The following EFR3B variants were observed in gnomAD, a reference collection of about 807,000 sequenced individuals.
The protein encoded by EFR3B is EFR3 homolog B, also known as protein EFR3 homolog B.
A neutral mutation model predicts 104.7 loss-of-function variants in EFR3B; 64 were observed. The observed-to-expected ratio is 0.61, with a 90% CI of 0.50 to 0.75. EFR3B has a LOEUF of 0.75. Ranked by LOEUF, EFR3B falls within the 30% of genes least tolerant of loss-of-function variation. The pLI is 0.00. For missense variants in EFR3B, 750 were observed against 1,078.5 expected, an observed-to-expected ratio of 0.70 and a Z score of 4.27; for synonymous variants, 385 against 417.9, an observed-to-expected ratio of 0.92 and a Z score of 0.96.
chr2:25,058,821 TGGA>T (rs1331961841), intron 1 of EFR3B, among the ~76,000 whole-genome samples: 1 of 140,094 alleles, frequency 7.1e-6, no homozygotes, highest in Non-Finnish European at 1.5e-5. Context: ...GTGGAGAAAC[TGGA>T]ACCATCATTG....
At chr2:25,053,791 C>T (rs893434357) in intron 1 of EFR3B, among the ~76,000 whole-genome samples, 2 of 152,166 alleles carry the variant, frequency 1.3e-5, no homozygotes, top group Admixed American at 6.5e-5. Flanking sequence ...CCTGTAGTCC[C>T]AGCTACTCAG....
chr2:25,047,987 T>G (rs1667767459), intron 1 of EFR3B, among the ~76,000 whole-genome samples: 1 of 152,106 alleles, frequency 6.6e-6, no homozygotes, highest in South Asian at 2.1e-4. Flanking sequence ...CTCTAATATC[T>G]TTCTTTCCAT....
Position 25,131,621 on chromosome 2 carries a change from G to A in EFR3B, c.985+118G>A. The A allele has an allele frequency of 3.3e-6, 5 of 1,497,132 alleles. No homozygotes were observed. The highest frequency in any genetic ancestry group is 4.5e-6 in the Non-Finnish European group (5 of 1,117,228). 92.7% of individuals were successfully genotyped at this position (1,497,132 alleles called of 1,614,324 possible). A position where few individuals can be genotyped will look rare whatever the true frequency, so the allele number is the denominator to read the frequency against. The stretch of plus-strand genomic sequence containing the variant: ...AGTCCGTTTTCCTCGGGAGAAGTCC[G>A]CCAGGAAGTTGGGAGCGCAGAGGAA... On this transcript the variant is annotated intron_variant, in intron 9 of 22. Coordinates refer to ENST00000403714, the MANE Select transcript of EFR3B (RefSeq NM_014971.2). This position sits in a 1 kb window ranked among gnomAD's most constrained non-coding sequence, Gnocchi z 7.6.
intron 4 of EFR3B, among the ~76,000 whole-genome samples, chr2:25,105,339 C>G (rs1265346852): frequency 6.6e-6 from 1 of 151,972 alleles, no homozygotes; most frequent in African/African-American, 2.4e-5. Flanking sequence ...TTAGAAGAGA[C>G]GGGGTTTCAC....
intron 1 of EFR3B, among the ~76,000 whole-genome samples, chr2:25,065,593 T>A (rs1204372971): frequency 6.6e-6 from 1 of 152,194 alleles, no homozygotes; most frequent in East Asian, 1.9e-4. Context: ...CTATTTGAAA[T>A]TCCAGTGTCA....
chr2:25,135,664 G>A (rs997768720), intron 13 of EFR3B, 25 bp downstream of exon 13: 5 of 1,551,440 alleles, frequency 3.2e-6, no homozygotes, highest in African/African-American at 2.7e-5. Flanking sequence ...TCTCCTCCAG[G>A]CAATGCAAGA....
chr2:25,133,490 A>G, intron 12 of EFR3B, 56 bp downstream of exon 12: 6 of 1,529,744 alleles, frequency 3.9e-6, no homozygotes, highest in Non-Finnish European at 5.3e-6. Flanking sequence ...AGCTCCTTCC[A>G]AGGGACCAAG....
At chr2:25,112,580 G>C (rs868255105) in intron 4 of EFR3B, among the ~76,000 whole-genome samples, 1 of 152,194 alleles carries the variant, frequency 6.6e-6, no homozygotes, top group Non-Finnish European at 1.5e-5. Context: ...CTGCTCTAGG[G>C]AATTGCTATA....
chr2:25,070,761 G>T (rs980593925), intron 1 of EFR3B, among the ~76,000 whole-genome samples: 1 of 152,284 alleles, frequency 6.6e-6, no homozygotes, highest in Non-Finnish European at 1.5e-5. Context: ...GGGTGGCAGT[G>T]GGAAGAGATG....
At chr2:25,139,594 T>C (rs1266717228) in intron 16 of EFR3B, among the ~76,000 whole-genome samples, 1 of 151,630 alleles carries the variant, frequency 6.6e-6, no homozygotes, top group Non-Finnish European at 1.5e-5. Context: ...CCTCAGATCA[T>C]GCAGACTAAA....
At position 25,154,547 on chromosome 2, in the gene EFR3B, C is replaced by A; in HGVS notation, c.*207C>A. 3.5e-6 allele frequency: 2 copies of A among 563,940 alleles called. No individual in the cohort carries two copies. The highest frequency in any genetic ancestry group is 6.3e-6 in the Non-Finnish European group (2 of 318,382). 34.9% of individuals were successfully genotyped at this position (563,940 alleles called of 1,614,324 possible). ...TCGTCTTCCCTGAGGGAGGTCTCACCAATCAGCATCTCACCTGTGCCCTCT... is the reference window on the plus strand; with the variant it reads ...TCGTCTTCCCTGAGGGAGGTCTCACAAATCAGCATCTCACCTGTGCCCTCT... On this transcript the variant is annotated 3_prime_UTR_variant, in exon 23 of 23. Transcript: ENST00000403714. This position sits in a 1 kb window ranked among gnomAD's most constrained non-coding sequence, Gnocchi z 4.1.
chr2:25,134,265 C>T (rs1290106582), intron 12 of EFR3B, among the ~76,000 whole-genome samples: 1 of 151,394 alleles, frequency 6.6e-6, no homozygotes, highest in East Asian at 1.9e-4. Flanking sequence ...CTGCAACCTT[C>T]GCCTCCCAGG....
At chr2:25,152,073 T>C (rs1298594617) in intron 21 of EFR3B, 53 bp downstream of exon 21, 1 of 1,529,822 alleles carries the variant, frequency 6.5e-7, no homozygotes, top group Non-Finnish European at 8.9e-7. Flanking sequence ...AAGACTGAAT[T>C]TGGGTCCAGG....
intron 1 of EFR3B, among the ~76,000 whole-genome samples, chr2:25,074,651 T>G (rs957310782): frequency 6.6e-6 from 1 of 151,036 alleles, no homozygotes; most frequent in African/African-American, 2.4e-5. Flanking sequence ...AGAGTTTTGC[T>G]GTGTCACCCA....
chr2:25,103,892 G>C lies in EFR3B; in HGVS notation c.363+105G>C, dbSNP rs1490149587. 7.1e-6 allele frequency: 10 copies of C among 1,398,628 alleles called. No individual in the cohort carries two copies. The East Asian group carries it at 2.5e-4, about 35-fold the overall frequency. The allele number at this position is 1,398,628 out of a possible 1,614,324, so 86.6% of individuals were successfully genotyped here. On this transcript the variant is annotated intron_variant, in intron 4 of 22. Coordinates refer to ENST00000403714, the MANE Select transcript of EFR3B (RefSeq NM_014971.2). ...GCACTGTCATGTTCTGTTCCTTCTT[G>C]GTTCCCAACCCTAAGTGTGACACAC...
At chr2:25,043,582 C>T (rs554282027) in intron 1 of EFR3B, among the ~76,000 whole-genome samples, 1 of 152,260 alleles carries the variant, frequency 6.6e-6, no homozygotes, top group South Asian at 2.1e-4. Flanking sequence ...CAGGGTGAGA[C>T]ATCAGCAGGT....
At chr2:25,113,113 C>G (rs1669765548) in intron 4 of EFR3B, among the ~76,000 whole-genome samples, 1 of 152,114 alleles carries the variant, frequency 6.6e-6, no homozygotes, top group Admixed American at 6.6e-5. Flanking sequence ...AAAGCTGAAA[C>G]TTTGATCTTG....
At chr2:25,092,974 T>G in intron 2 of EFR3B, 29 bp from the exon 3 acceptor site, 1 of 1,540,048 alleles carries the variant, frequency 6.5e-7, no homozygotes, top group Non-Finnish European at 8.7e-7. Flanking sequence ...AGTGTGGCCA[T>G]AGTGAGCACA....
intron 4 of EFR3B, among the ~76,000 whole-genome samples, chr2:25,105,796 G>A (rs952580413): frequency 3.3e-5 from 5 of 152,294 alleles, no homozygotes; most frequent in Admixed American, 1.3e-4. Flanking sequence ...ACCACCTCTA[G>A]CTTCCCCCAC....
Sources: gnomAD v4.1 joint callset for allele counts (sites outside exome capture counted in the v4.1 genomes callset) on GRCh38, gnomAD v4.1.1 for gene constraint, Gnocchi (gnomAD v3.1) non-coding constraint, MANE v1.5 for transcripts, NCBI Gene and HGNC (gene_info 2026-07-23, HGNC 2026-07-21) for gene names.